The following TBC1D13 variants were observed in gnomAD, a reference collection of about 807,000 sequenced individuals.
The protein encoded by TBC1D13 is epididymis secretory sperm binding protein.
TBC1D13 carries 40 observed loss-of-function variants against 53.6 expected under a neutral mutation model. That is an observed-to-expected ratio of 0.75 (90% CI 0.58 to 0.97). The LOEUF (loss-of-function observed/expected upper bound fraction) is 0.97, where lower values mean the gene tolerates loss of function less well. TBC1D13 is among the 50% of genes least tolerant of loss of function. TBC1D13 has a pLI of 0.00. For missense variants in TBC1D13, 377 were observed against 499.4 expected (o/e 0.75, Z 2.34); for synonymous variants, 182 against 197.7 (o/e 0.92, Z 0.67).
At chr9:128,804,557 C>T (rs1337876160) in intron 9 of TBC1D13, among the ~76,000 whole-genome samples, 1 of 150,458 alleles carries the variant, frequency 6.6e-6, no homozygotes, top group Admixed American at 6.6e-5. Context: ...CAGGCACCCG[C>T]CACTGTGCCC....
At chr9:128,804,238 C>T in intron 9 of TBC1D13, 119 bp downstream of exon 9, 2 of 1,195,544 alleles carry the variant, frequency 1.7e-6, no homozygotes, top group Non-Finnish European at 2.3e-6. Flanking sequence ...GCTGCTGCTG[C>T]TGCCCGGGAC....
intron 7 of TBC1D13, among the ~76,000 whole-genome samples, chr9:128,798,326 G>A (rs1328829919): frequency 1.3e-5 from 2 of 152,152 alleles, no homozygotes; most frequent in Non-Finnish European, 2.9e-5. Context: ...GGGAGAGAGC[G>A]TGGTGTGTTC....
intron 6 of TBC1D13, among the ~76,000 whole-genome samples, chr9:128,794,619 G>A (rs929778217): frequency 6.6e-6 from 1 of 151,474 alleles, no homozygotes; most frequent in Non-Finnish European, 1.5e-5. Flanking sequence ...GGGATTACAG[G>A]CATGTGCCAC....
intron 6 of TBC1D13, among the ~76,000 whole-genome samples, chr9:128,796,208 C>T (rs1223091307): frequency 1.3e-5 from 2 of 152,116 alleles, no homozygotes; most frequent in Non-Finnish European, 2.9e-5. Context: ...GTGTCAGCCT[C>T]CCCAGTAGTT....
At chr9:128,793,473 T>C (rs1829571170) in intron 6 of TBC1D13, among the ~76,000 whole-genome samples, 1 of 152,026 alleles carries the variant, frequency 6.6e-6, no homozygotes, top group South Asian at 2.1e-4. Flanking sequence ...GGTTCTGGAG[T>C]CCATTTGCCT....
rs367602310 is a variant in TBC1D13 at position 128,804,002 on chromosome 9, C to T, written c.801C>T (p.Ala267=). ...DTFFCFTNLM[A]EIRDNFIKSL... is the part of the protein sequence containing the mutation. ...TTTTCTGCTTCACCAACCTCATGGC[C>T]GAGATCCGGGACAACTTTATCAAGA... The change falls in exon 9 of 12, where the codon GCC becomes GCT. Residue 267 remains alanine, a synonymous_variant. Coordinates refer to ENST00000372648, the MANE Select transcript of TBC1D13 (RefSeq NM_018201.5). The T allele has an allele frequency of 9.3e-6, 15 of 1,613,924 alleles. No homozygotes were observed. The highest frequency in any genetic ancestry group is 3.3e-5 in the Admixed American group (2 of 60,012).
intron 6 of TBC1D13, among the ~76,000 whole-genome samples, chr9:128,794,255 T>C (rs1324025973): frequency 1.2e-4 from 18 of 152,130 alleles, no homozygotes. Context: ...TGGGTGCTGC[T>C]CCTCAGCCCA....
At position 128,789,433 on chromosome 9, in the gene TBC1D13, G is replaced by A. The variant is rs77991115; in HGVS notation, c.97+1026G>A. Among the ~76,000 whole-genome samples, 515 of 151,946 alleles carry A rather than the reference G, an allele frequency of 3.4e-3. 10 individuals carry two copies. The East Asian group carries it at 0.037, about 11-fold the overall frequency. ...CCAGGGATACTACAGCAGCAACTGC[G>A]GTAGTGAGCTTCCTGATCTTATTGC... On this transcript the variant is annotated intron_variant, in intron 2 of 11. Transcript: ENST00000372648.
In TBC1D13 at chr9:128,808,408, C is replaced by CGTGTGT. The variant is rs3138859; in HGVS notation, c.*572_*577dup. 0.077 allele frequency: 9,370 copies of CGTGTGT among 121,642 alleles called. 647 individuals are homozygous for CGTGTGT. Among genetic ancestry groups the CGTGTGT allele is most frequent in the East Asian group, 0.14 (576 of 4,116 alleles). 7.5% of individuals were successfully genotyped at this position (121,642 alleles called of 1,614,324 possible). ...GGCCCAAGTCCCCAGGCATCTTCTCCGTGTGTGTGTGTGTGTGTGTGTGTG... is the reference window on the plus strand; with the variant it reads ...GGCCCAAGTCCCCAGGCATCTTCTCCGTGTGTGTGTGTGTGTGTGTGTGTGTGTGTG... On this transcript the variant is annotated 3_prime_UTR_variant, in exon 12 of 12. Transcript: ENST00000372648.
intron 5 of TBC1D13, 44 bp from the exon 6 acceptor site, chr9:128,792,448 G>A (rs763712227): frequency 3.8e-6 from 6 of 1,590,714 alleles, no homozygotes; most frequent in East Asian, 4.5e-5. Flanking sequence ...GGGCCCCGGG[G>A]CCTAGCTGGG....
rs572721647 is a variant in TBC1D13 at position 128,807,659 on chromosome 9, G to A, written c.1138-155G>A. On this transcript the variant is annotated intron_variant, in intron 11 of 11. Transcript: ENST00000372648. The stretch of plus-strand genomic sequence containing the variant: ...GGTGTAGCGTCAGCTGCATGCAGGG[G>A]TCTGGGGGTTGGGGAGTGTGGGATG... Among the ~76,000 whole-genome samples the A allele has an allele frequency of 4.6e-5, 7 of 152,314 alleles. No homozygotes were observed. The South Asian group carries it at 1.5e-3, about 32-fold the overall frequency.
Position 128,809,185 on chromosome 9 carries a change from AC to A in TBC1D13, c.*1309del, listed in dbSNP as rs1357255940. On this transcript the variant is annotated 3_prime_UTR_variant, in exon 12 of 12. Transcript: ENST00000372648. ...TGTCTGTGCCTCTGTGTACCCCTCCACCCGCTGCGGGCTGAGGGAGGTGCAG... is the reference window on the plus strand; with the variant it reads ...TGTCTGTGCCTCTGTGTACCCCTCCACCGCTGCGGGCTGAGGGAGGTGCAG... The A allele has an allele frequency of 6.6e-6, 1 of 152,180 alleles. No individual in the cohort carries two copies. The highest frequency in any genetic ancestry group is 1.5e-5 in the Non-Finnish European group (1 of 68,174). The allele number at this position is 152,180 out of a possible 1,614,324, so 9.4% of individuals were successfully genotyped here. A position where few individuals can be genotyped will look rare whatever the true frequency, so the allele number is the denominator to read the frequency against.
At chr9:128,792,435 A>G in intron 5 of TBC1D13, 57 bp from the exon 6 acceptor site, 1 of 1,523,028 alleles carries the variant, frequency 6.6e-7, no homozygotes, top group African/African-American at 1.4e-5. Flanking sequence ...CCGGGATAGA[A>G]TCGGGCCCCG....
intron 6 of TBC1D13, among the ~76,000 whole-genome samples, chr9:128,796,047 A>T (rs1034865048): frequency 1.2e-4 from 18 of 151,920 alleles, no homozygotes; most frequent in South Asian, 2.1e-4. Context: ...ACAGCTTTTT[A>T]AAAAAATACT....
rs1282096761 is a variant in TBC1D13, at chr9:128,808,440, T to TGTGTGTGG, written c.*568_*569insGGTGTGTG. ...GTGTGTGTGTGTGTGTGTGTGTGTG[T>TGTGTGTGG]GTGTGTGTGTGTGTGTTAGGGAGTG... On this transcript the variant is annotated 3_prime_UTR_variant, in exon 12 of 12. Transcript: ENST00000372648. 5.7e-6 allele frequency: 1 copy of TGTGTGTGG among 173,962 alleles called. No individual in the cohort carries two copies. Among genetic ancestry groups the TGTGTGTGG allele is most frequent in the East Asian group, 1.6e-4 (1 of 6,388 alleles). The allele number at this position is 173,962 out of a possible 1,614,324, so 10.8% of individuals were successfully genotyped here.
rs541709488 is a variant in TBC1D13, at chr9:128,788,320, A to T, written c.24-14A>T. On this transcript the variant is annotated splice_polypyrimidine_tract_variant and intron_variant, in intron 1 of 11. Coordinates refer to ENST00000372648, the MANE Select transcript of TBC1D13 (RefSeq NM_018201.5). ...ATCAGCATGCTTCATTTGCCGCCCT[A>T]TCTCCCCTTCCAGAATTGCAGATTT... 7 of 1,613,778 alleles carry T rather than the reference A, an allele frequency of 4.3e-6. No homozygotes were observed. In the African/African-American group the frequency reaches 9.3e-5, roughly 22 times the overall value.
chr9:128,797,331 C>G, intron 7 of TBC1D13, 117 bp downstream of exon 7: 7 of 1,118,054 alleles, frequency 6.3e-6, no homozygotes, highest in Non-Finnish European at 7.6e-6. Flanking sequence ...AGTTACTCAG[C>G]GCAATCCTGA....
At position 128,803,454 on chromosome 9, in the gene TBC1D13, T is replaced by G. The variant is rs1829773259; in HGVS notation, c.748T>G (p.Trp250Gly). Residue 250 changes from tryptophan (W) to glycine (G), a missense_variant, in exon 8 of 12, where the codon TGG becomes GGG. Physicochemically the swap from Trp to Gly is radical, Grantham distance 184. Coordinates refer to ENST00000372648, the MANE Select transcript of TBC1D13 (RefSeq NM_018201.5). ...CTTTGCCACCGACCCCAATAGTGAGTGGAAAGGTAAGAAGGCTCTTGGTGC... is the reference window on the plus strand; with the variant it reads ...CTTTGCCACCGACCCCAATAGTGAGGGGAAAGGTAAGAAGGCTCTTGGTGC... ...YTFATDPNSE[W>G]KEHAEADTFF... 1 of 1,613,792 alleles carries G rather than the reference T, an allele frequency of 6.2e-7. No homozygotes were observed. Among genetic ancestry groups the G allele is most frequent in the East Asian group, 2.2e-5 (1 of 44,864 alleles).
chr9:128,801,014 A>G (rs1344823180), intron 7 of TBC1D13, among the ~76,000 whole-genome samples: 2 of 152,078 alleles, frequency 1.3e-5, no homozygotes, highest in African/African-American at 2.4e-5. Context: ...ATACAAAACA[A>G]CAACAAAAAA....
Sources: gnomAD v4.1 joint callset for allele counts (sites outside exome capture counted in the v4.1 genomes callset) on GRCh38, gnomAD v4.1.1 for gene constraint, MANE v1.5 for transcripts, NCBI Gene and HGNC (gene_info 2026-07-23, HGNC 2026-07-21) for gene names.